LRP1B: variants seen among roughly 807,000 people sequenced by gnomAD.
LRP1B encodes low-density lipoprotein receptor-related protein 1B.
A neutral mutation model predicts 556.6 loss-of-function variants in LRP1B; 217 were observed. The observed-to-expected ratio is 0.39, with a 90% CI of 0.35 to 0.44. The LOEUF (loss-of-function observed/expected upper bound fraction) is 0.44, where lower values mean the gene tolerates loss of function less well. Among genes scored for constraint, LRP1B ranks in the 20% least tolerant of loss-of-function variants. The pLI is 1.00. For synonymous variants in LRP1B, 2,047 were observed against 1,865.8 expected, an observed-to-expected ratio of 1.10 and a Z score of -2.50; for missense variants, 5,053 against 5,620.8, an observed-to-expected ratio of 0.90 and a Z score of 3.23.
chr2:141,930,997 T>A (rs370452665), intron 1 of LRP1B, among the ~76,000 whole-genome samples: 1 of 152,058 alleles, frequency 6.6e-6, no homozygotes, highest in East Asian at 1.9e-4. Flanking sequence ...CTGTTCAGCA[T>A]GCTGATTCTT....
chr2:141,314,429 A>G (rs1394560982), intron 3 of LRP1B, among the ~76,000 whole-genome samples: 2 of 152,190 alleles, frequency 1.3e-5, no homozygotes, highest in African/African-American at 4.8e-5. Context: ...TAGGGAATGT[A>G]TAGTTAAAAG....
At chr2:141,182,909 G>A (rs997741108) in intron 7 of LRP1B, among the ~76,000 whole-genome samples, 1 of 151,866 alleles carries the variant, frequency 6.6e-6, no homozygotes, top group Non-Finnish European at 1.5e-5. Flanking sequence ...ATGTAAATAA[G>A]CATTTTAAAA....
chr2:141,025,463 G>A (rs989561188), intron 11 of LRP1B, among the ~76,000 whole-genome samples: 1 of 152,084 alleles, frequency 6.6e-6, no homozygotes, highest in Non-Finnish European at 1.5e-5. Context: ...TGCTGTAAAG[G>A]TATGTTTTAG....
At chr2:141,890,393 G>A (rs1399889039) in intron 1 of LRP1B, among the ~76,000 whole-genome samples, 1 of 87,028 alleles carries the variant, frequency 1.1e-5, no homozygotes, top group African/African-American at 5.4e-5. Flanking sequence ...CATATATAGT[G>A]TATATATATA....
chr2:140,264,724 GTGTGTGTGTGTGTGTGTA>G (rs60021422), intron 86 of LRP1B, among the ~76,000 whole-genome samples: 3,053 of 107,976 alleles, frequency 0.028, 94 homozygotes, highest in African/African-American at 0.096. Flanking sequence ...GTGTGTGTGT[GTGTGTGTGTGTGTGTGTA>G]TATAATTTTC....
intron 41 of LRP1B, among the ~76,000 whole-genome samples, chr2:140,691,301 G>A (rs199892157): frequency 3.9e-5 from 6 of 151,942 alleles, no homozygotes; most frequent in Admixed American, 6.6e-5. Flanking sequence ...GAGAAACCCC[G>A]TCTCTACTAA....
At chr2:140,493,612 T>C (rs1688794639) in intron 56 of LRP1B, among the ~76,000 whole-genome samples, 1 of 151,414 alleles carries the variant, frequency 6.6e-6, no homozygotes, top group African/African-American at 2.4e-5. Flanking sequence ...TAAACTTGTT[T>C]GCCAAATGAA....
chr2:141,372,474 T>G (rs919291866), intron 3 of LRP1B, among the ~76,000 whole-genome samples: 1 of 152,108 alleles, frequency 6.6e-6, no homozygotes, highest in Non-Finnish European at 1.5e-5. Flanking sequence ...CATTTTTGTA[T>G]GTTTGGTAGA....
chr2:141,067,005 T>G (rs1178002790), intron 7 of LRP1B, among the ~76,000 whole-genome samples: 1 of 151,966 alleles, frequency 6.6e-6, no homozygotes, highest in East Asian at 1.9e-4. Context: ...TTCAGGAAAA[T>G]GATACGTATT....
intron 7 of LRP1B, among the ~76,000 whole-genome samples, chr2:141,181,326 C>T (rs992467686): frequency 1.1e-4 from 16 of 151,976 alleles, no homozygotes; most frequent in African/African-American, 3.1e-4. Context: ...GAACCCATGT[C>T]CTCAATGATA....
intron 3 of LRP1B, among the ~76,000 whole-genome samples, chr2:141,400,724 G>A (rs1199892516): frequency 6.6e-6 from 1 of 152,016 alleles, no homozygotes; most frequent in Non-Finnish European, 1.5e-5. Context: ...CAATATAATG[G>A]TCTCAATATC....
At chr2:142,099,671 C>A (rs1430508062) in intron 1 of LRP1B, among the ~76,000 whole-genome samples, 2 of 151,882 alleles carry the variant, frequency 1.3e-5, no homozygotes, top group African/African-American at 4.8e-5. Flanking sequence ...AGACCAAATT[C>A]TTCTCTTGGC....
chr2:140,324,110 C>T, intron 80 of LRP1B, 44 bp from the exon 81 acceptor site: 3 of 1,209,442 alleles, frequency 2.5e-6, no homozygotes, highest in Non-Finnish European at 3.6e-6. Flanking sequence ...AATGTATATA[C>T]TCAGACTTTA....
At chr2:141,369,284 C>T (rs1287259575) in intron 3 of LRP1B, among the ~76,000 whole-genome samples, 1 of 152,034 alleles carries the variant, frequency 6.6e-6, no homozygotes, top group Non-Finnish European at 1.5e-5. Context: ...AAAATTTGCT[C>T]TGAAAACCTA....
chr2:141,753,280 A>ATATATATATATC (rs1170193146), intron 2 of LRP1B, among the ~76,000 whole-genome samples: 2 of 134,592 alleles, frequency 1.5e-5, no homozygotes, highest in Admixed American at 7.4e-5. Context: ...ATATATATAT[A>ATATATATATATC]TATCCCAGAT....
chr2:141,518,213 T>C (rs1216031390), intron 2 of LRP1B, among the ~76,000 whole-genome samples: 1 of 151,876 alleles, frequency 6.6e-6, no homozygotes, highest in Non-Finnish European at 1.5e-5. Context: ...GAGAGCTCGG[T>C]AGACAGAGGA....
chr2:141,267,620 G>A (rs1684937947), intron 3 of LRP1B, among the ~76,000 whole-genome samples: 1 of 152,118 alleles, frequency 6.6e-6, no homozygotes, highest in East Asian at 1.9e-4. Context: ...CTGATTCAAT[G>A]TATTTAGTTG....
intron 41 of LRP1B, among the ~76,000 whole-genome samples, chr2:140,650,156 G>GT (rs1297711320): frequency 6.6e-6 from 1 of 151,378 alleles, no homozygotes; most frequent in African/African-American, 2.4e-5. Flanking sequence ...GCAAACAAAG[G>GT]TTTTTTAAAA....
At chr2:141,262,552 G>GTTT (rs1684734909) in intron 3 of LRP1B, among the ~76,000 whole-genome samples, 1 of 152,058 alleles carries the variant, frequency 6.6e-6, no homozygotes, top group East Asian at 1.9e-4. Flanking sequence ...GAAATTTTAA[G>GTTT]TTTTAGATTT....
Sources: gnomAD v4.1 joint callset for allele counts (sites outside exome capture counted in the v4.1 genomes callset) on GRCh38, gnomAD v4.1.1 for gene constraint, MANE v1.5 for transcripts, NCBI Gene and HGNC (gene_info 2026-07-23, HGNC 2026-07-21) for gene names.